The following ZC3H3 variants were observed in gnomAD, a reference collection of about 807,000 sequenced individuals.
ZC3H3 encodes the protein zinc finger CCCH-type containing 3.
Under a neutral mutation model 77.3 loss-of-function variants are expected in ZC3H3, and 36 were observed. That is an observed-to-expected ratio of 0.47 (90% CI 0.36 to 0.61). ZC3H3 has a LOEUF of 0.61. Ranked by LOEUF, ZC3H3 falls within the 20% of genes least tolerant of loss-of-function variation. The pLI is 0.00. For synonymous variants in ZC3H3, 626 were observed against 555.2 expected (o/e 1.13, Z -1.79); for missense variants, 1,331 against 1,312.2 (o/e 1.01, Z -0.22).
At chr8:143,516,158 G>T (rs148671740) in intron 3 of ZC3H3, among the ~76,000 whole-genome samples, 1 of 152,380 alleles carries the variant, frequency 6.6e-6, no homozygotes, top group Middle Eastern at 3.4e-3. Flanking sequence ...ACGCTGGCGC[G>T]GCAGGAGCTG....
rs570383661 is a variant in ZC3H3 at position 143,531,206 on chromosome 8, G to T, written c.1561+5051C>A. 1.6e-4 allele frequency among the ~76,000 whole-genome samples: 25 copies of T among 152,170 alleles called. No homozygotes were observed. The East Asian group carries it at 3.5e-3, about 21-fold the overall frequency. On this transcript the variant is annotated intron_variant, in intron 3 of 11. Coordinates refer to ENST00000262577, the MANE Select transcript of ZC3H3 (RefSeq NM_015117.3). ...ACCTCCTGGGTTCAAGTAATCACCC[G>T]CCTCAGCCTCCCAAAGTGTTGGGAT... is the stretch of plus-strand genomic sequence containing the variant.
chr8:143,526,515 G>T (rs182371931), intron 3 of ZC3H3, among the ~76,000 whole-genome samples: 2 of 152,340 alleles, frequency 1.3e-5, no homozygotes, highest in East Asian at 3.9e-4. Flanking sequence ...AACAACCAGT[G>T]GGGATCACGG....
rs925528593 is a variant in ZC3H3 at position 143,532,700 on chromosome 8, G to C, written c.1561+3557C>G. 4.3e-4 allele frequency among the ~76,000 whole-genome samples: 66 copies of C among 152,270 alleles called. 1 individual carries two copies. Among genetic ancestry groups the C allele is most frequent in the Admixed American group, 2.6e-4 (4 of 15,290 alleles). The stretch of plus-strand genomic sequence containing the variant: ...CTGGGCCCTGCCCAGAAGCCCACTG[G>C]CCAAGGCAGAGGACAGGCAGGCCTC... On this transcript the variant is annotated intron_variant, in intron 3 of 11. Transcript: ENST00000262577.
rs2924508 is a variant in ZC3H3, at chr8:143,507,883, G to A, written c.1578C>T (p.Ala526=). 6.8e-3 allele frequency: 10,948 copies of A among 1,599,710 alleles called. 613 individuals are homozygous for A. The African/African-American group carries it at 0.13, about 19-fold the overall frequency. Residue 526 remains alanine, a synonymous_variant, in exon 4 of 12, where the codon GCC becomes GCT. Coordinates refer to ENST00000262577, the MANE Select transcript of ZC3H3 (RefSeq NM_015117.3). ...CCTTGCTGGTGGGTGCAGTCCGCAC[G>A]GCATGCAGGCTGGACGCTGTAGAGA... The part of the protein sequence containing the change: ...LPTKEASSLH[A]VRTAPTSKVI...
chr8:143,535,034 G>A (rs1300704937), intron 3 of ZC3H3, among the ~76,000 whole-genome samples: 1 of 151,954 alleles, frequency 6.6e-6, no homozygotes, highest in Non-Finnish European at 1.5e-5. Context: ...CTAGATGACG[G>A]TACGCTTGGC....
chr8:143,464,027 T>G (rs1442675959), intron 9 of ZC3H3, among the ~76,000 whole-genome samples: 1 of 152,248 alleles, frequency 6.6e-6, no homozygotes. Flanking sequence ...TGGGGCCCAT[T>G]TGAGGACTTC....
Position 143,541,409 on chromosome 8 carries a change from C to T in ZC3H3, c.13G>A (p.Glu5Lys), listed in dbSNP as rs999873076. 3 of 1,612,012 alleles carry T rather than the reference C, an allele frequency of 1.9e-6. No homozygotes were observed. The highest frequency in any genetic ancestry group is 2.2e-5 in the East Asian group (1 of 44,758). Residue 5 changes from glutamate to lysine, a missense_variant, in exon 1 of 12, where the codon GAG (glutamate) becomes AAG (lysine). By Grantham distance (56) the Glu-to-Lys change is moderately conservative. Around this residue, in one of 3 missense-constraint regions of ZC3H3, gnomAD observed 978 missense variants for 915.5 expected, o/e 1.07. Coordinates refer to ENST00000262577, the MANE Select transcript of ZC3H3 (RefSeq NM_015117.3). The part of the protein sequence containing the change: MEEK[E>K]ILRRQIRLLQ... ...AGGCGGATCTGCCGCCGTAATATCTCCTTTTCCTCCATCTCCCGAGTCCGC... is the reference window on the plus strand; with the variant it reads ...AGGCGGATCTGCCGCCGTAATATCTTCTTTTCCTCCATCTCCCGAGTCCGC...
Position 143,442,457 on chromosome 8 carries a change from T to C in ZC3H3, c.2308-1337A>G, listed in dbSNP as rs548127064. Among the ~76,000 whole-genome samples the C allele has an allele frequency of 1.5e-3, 198 of 136,482 alleles. 1 individual carries two copies. The highest frequency in any genetic ancestry group is 5.1e-3 in the African/African-American group (192 of 37,418). The allele number at this position is 136,482 out of a possible 152,430, so 89.5% of individuals were successfully genotyped here. A position where few individuals can be genotyped will look rare whatever the true frequency, so the allele number is the denominator to read the frequency against. ...CGGGGGGGGGGGGGGGCAGGGGCAG[T>C]GGCTGTGCCTGACAAGGAAAGCCCT... On this transcript the variant is annotated intron_variant, in intron 9 of 11. Transcript: ENST00000262577.
Position 143,507,900 on chromosome 8 carries a change from C to A in ZC3H3, c.1562-1G>T. ...GTCCGCACGGCATGCAGGCTGGACG[C>A]TGTAGAGAAAACCCAGGGCACAGAC... On this transcript the variant is annotated splice_acceptor_variant, in intron 3 of 11. Transcript: ENST00000262577. LOFTEE classifies it high-confidence loss of function. 1 of 1,582,168 alleles carries A rather than the reference C, an allele frequency of 6.3e-7. No individual in the cohort carries two copies. The highest frequency in any genetic ancestry group is 8.6e-7 in the Non-Finnish European group (1 of 1,159,818).
chr8:143,470,897 G>A (rs1038603618), intron 5 of ZC3H3, among the ~76,000 whole-genome samples: 13 of 152,186 alleles, frequency 8.5e-5, no homozygotes, highest in Non-Finnish European at 4.4e-5. Context: ...AGCAGAAGGC[G>A]CCATGCATTC....
chr8:143,469,141 C>T (rs373381274), intron 5 of ZC3H3, among the ~76,000 whole-genome samples: 1 of 152,258 alleles, frequency 6.6e-6, no homozygotes, highest in Non-Finnish European at 1.5e-5. Flanking sequence ...CTGCTCCTGG[C>T]TCTCTCCTCA....
intron 9 of ZC3H3, among the ~76,000 whole-genome samples, chr8:143,451,991 C>G (rs1447669896): frequency 6.6e-6 from 1 of 152,032 alleles, no homozygotes; most frequent in Non-Finnish European, 1.5e-5. Context: ...TGGGCTGCTT[C>G]CTGCCCCATC....
At chr8:143,470,140 C>T (rs1025373026) in intron 5 of ZC3H3, among the ~76,000 whole-genome samples, 9 of 152,208 alleles carry the variant, frequency 5.9e-5, no homozygotes, top group Admixed American at 1.3e-4. Flanking sequence ...CCCCACTCCT[C>T]GCTTTGTGCT....
At position 143,541,238 on chromosome 8, in the gene ZC3H3, G is replaced by A. The variant is rs1823003414; in HGVS notation, c.46+138C>T. 19 of 1,485,362 alleles carry A rather than the reference G, an allele frequency of 1.3e-5. No homozygotes were observed. The South Asian group carries it at 1.3e-4, about 10-fold the overall frequency. The allele number at this position is 1,485,362 out of a possible 1,614,324, so 92.0% of individuals were successfully genotyped here. A position where few individuals can be genotyped will look rare whatever the true frequency, so the allele number is the denominator to read the frequency against. ...CCTGAGCCGGCCCACAAGTCCTGGC[G>A]GACCCTACCGTCCCCCACCCCAGCC... On this transcript the variant is annotated intron_variant, in intron 1 of 11. Transcript: ENST00000262577.
chr8:143,452,970 T>A lies in ZC3H3; in HGVS notation c.2308-11850A>T, dbSNP rs143701162. On this transcript the variant is annotated intron_variant, in intron 9 of 11. Transcript: ENST00000262577. Reference sequence around the variant, plus strand: ...GAAGTTGAGCAAACCTCAGACAGGATAGACCAAAGACATCTACCCCAGATG... The same window carrying A: ...GAAGTTGAGCAAACCTCAGACAGGAAAGACCAAAGACATCTACCCCAGATG... Among the ~76,000 whole-genome samples, 5 of 152,276 alleles carry A rather than the reference T, an allele frequency of 3.3e-5. No homozygotes were observed. The East Asian group carries it at 9.6e-4, about 29-fold the overall frequency.
In ZC3H3 at chr8:143,530,642, G is replaced by A. The variant is rs144787901; in HGVS notation, c.1561+5615C>T. On this transcript the variant is annotated intron_variant, in intron 3 of 11. Coordinates refer to ENST00000262577, the MANE Select transcript of ZC3H3 (RefSeq NM_015117.3). The surrounding 1 kb of genome is among the most constrained non-coding windows in gnomAD (Gnocchi z 4.3). The stretch of plus-strand genomic sequence containing the variant: ...TCATGCCTGTCATCTCAGGGTGGCC[G>A]AGCACAGCGACGGGCCCCAGGAGGA... Among the ~76,000 whole-genome samples, 20 of 152,204 alleles carry A rather than the reference G, an allele frequency of 1.3e-4. No individual in the cohort carries two copies. The highest frequency in any genetic ancestry group is 3.9e-4 in the East Asian group (2 of 5,166).
rs997489090 is a variant in ZC3H3 at position 143,530,440 on chromosome 8, G to T, written c.1561+5817C>A. Among the ~76,000 whole-genome samples the T allele has an allele frequency of 9.9e-5, 15 of 152,132 alleles. No homozygotes were observed. The highest frequency in any genetic ancestry group is 7.4e-5 in the Non-Finnish European group (5 of 68,004). The stretch of plus-strand genomic sequence containing the variant: ...CCACCTACCATGACTTTTCCCTGGC[G>T]TAAAATAGCAGACGTTTCCATGTGG... On this transcript the variant is annotated intron_variant, in intron 3 of 11. Transcript: ENST00000262577. This position sits in a 1 kb window ranked among gnomAD's most constrained non-coding sequence, Gnocchi z 4.3.
chr8:143,474,577 G>A (rs1015395461), intron 5 of ZC3H3, among the ~76,000 whole-genome samples: 2 of 152,194 alleles, frequency 1.3e-5, no homozygotes, highest in African/African-American at 4.8e-5. Flanking sequence ...TACGCTTCCT[G>A]CCTCTCCTCT....
intron 4 of ZC3H3, among the ~76,000 whole-genome samples, chr8:143,504,116 G>A (rs777749399): frequency 5.9e-5 from 9 of 152,218 alleles, no homozygotes; most frequent in Non-Finnish European, 1.0e-4. Context: ...GCTTCCCAGA[G>A]GAGGGAACAG....
Sources: allele counts gnomAD v4.1 joint callset (sites outside exome capture counted in the v4.1 genomes callset), GRCh38; gene constraint gnomAD v4.1.1; regional missense constraint gnomAD v4.1.1; non-coding constraint Gnocchi (gnomAD v3.1); transcripts MANE v1.5; gene names NCBI Gene and HGNC (gene_info 2026-07-23, HGNC 2026-07-21).